NOTCH4: variants seen among roughly 807,000 people sequenced by gnomAD.
NOTCH4 encodes the protein notch receptor 4, also known as neurogenic locus notch homolog protein 4.
Under a neutral mutation model 189.0 loss-of-function variants are expected in NOTCH4, and 138 were observed. The observed-to-expected ratio is 0.73, with a 90% CI of 0.64 to 0.84. The LOEUF (loss-of-function observed/expected upper bound fraction) is 0.84, where lower values mean the gene tolerates loss of function less well. Ranked by LOEUF, NOTCH4 falls within the 40% of genes least tolerant of loss-of-function variation. The pLI is 0.00. For synonymous variants in NOTCH4, 942 were observed against 1,032.8 expected (o/e 0.91, Z 1.69); for missense variants, 2,286 against 2,605.4 (o/e 0.88, Z 2.67).
rs759879687 is a variant in NOTCH4 at position 32,199,135 on chromosome 6, G to A, written c.4326C>T (p.Ala1442=). 2 of 1,592,972 alleles carry A rather than the reference G, an allele frequency of 1.3e-6. No individual in the cohort carries two copies. Among genetic ancestry groups the A allele is most frequent in the Non-Finnish European group, 8.5e-7 (1 of 1,170,838 alleles). ...VHPHAGTAPP[A]NQLPWPVLCS... is the part of the protein sequence containing the mutation. Reference sequence around the variant, plus strand: ...ACAGCACAGGCCAGGGAAGCTGGTTGGCAGGGGGTGCTGGTGGGAGAGACA... The same window carrying A: ...ACAGCACAGGCCAGGGAAGCTGGTTAGCAGGGGGTGCTGGTGGGAGAGACA... Residue 1442 remains alanine, a synonymous_variant, in exon 24 of 30, where the codon GCC becomes GCT. Transcript: ENST00000375023. This position sits in a 1 kb window ranked among gnomAD's most constrained non-coding sequence, Gnocchi z 4.9.
In NOTCH4 at chr6:32,221,034, G is replaced by C. The variant is rs766865030; in HGVS notation, c.743C>G (p.Thr248Ser). The C allele has an allele frequency of 1.7e-5, 28 of 1,610,130 alleles. No homozygotes were observed. The Admixed American group carries it at 4.7e-4, about 27-fold the overall frequency. Residue 248 changes from threonine to serine, a missense_variant, in exon 4 of 30, where the codon ACC (threonine) becomes AGC (serine). Physicochemically the swap from Thr to Ser is moderately conservative, Grantham distance 58. Coordinates refer to ENST00000375023, the MANE Select transcript of NOTCH4 (RefSeq NM_004557.4). The surrounding 1 kb of genome is among the most constrained non-coding windows in gnomAD (Gnocchi z 4.3). ...GTCTTTCTCTGGCATCAGCTGGCAG[G>C]TGCCCCCATTCGAACAGCCCCTAGG... ...CPPRGCSNGGTCQLMPEKDST... is the reference protein window; with the variant it reads ...CPPRGCSNGGSCQLMPEKDST...
chr6:32,220,228 G>C lies in NOTCH4; in HGVS notation c.1216C>G (p.Gln406Glu), dbSNP rs764443298. 1 of 1,613,786 alleles carries C rather than the reference G, an allele frequency of 6.2e-7. No individual in the cohort carries two copies. Among genetic ancestry groups the C allele is most frequent in the Non-Finnish European group, 8.5e-7 (1 of 1,179,870 alleles). The change falls in exon 7 of 30, where the codon CAA becomes GAA. Residue 406 changes from glutamine (Q) to glutamate (E), a missense_variant. By Grantham distance (29) the Gln-to-Glu change is conservative. Coordinates refer to ENST00000375023, the MANE Select transcript of NOTCH4 (RefSeq NM_004557.4). Reference protein sequence around the residue: ...CLSQPCHGDAQCSTNPLTGST... With the variant: ...CLSQPCHGDAECSTNPLTGST... Reference sequence around the variant, plus strand: ...CCTGTGAGGGGGTTGGTGCTGCATTGGGCATCCCCATGGCACGGCTGGCTC... The same window carrying C: ...CCTGTGAGGGGGTTGGTGCTGCATTCGGCATCCCCATGGCACGGCTGGCTC...
rs1438291661 is a variant in NOTCH4 at position 32,212,600 on chromosome 6, G to A, written c.2554C>T (p.Pro852Ser). The change falls in exon 17 of 30, where the codon CCC becomes TCC. Residue 852 changes from proline to serine, a missense_variant. Pro to Ser is a moderately conservative substitution (Grantham distance 74). Transcript: ENST00000375023. This position sits in a 1 kb window ranked among gnomAD's most constrained non-coding sequence, Gnocchi z 4.4. ...AGGCAGTGGGAATTGCGTGGGCAGGGCTTCTGGGCACATAAGTCCATCAGA... is the reference window on the plus strand; with the variant it reads ...AGGCAGTGGGAATTGCGTGGGCAGGACTTCTGGGCACATAAGTCCATCAGA... ...QTLMDLCAQKPCPRNSHCLQT... is the reference protein window; with the variant it reads ...QTLMDLCAQKSCPRNSHCLQT... 4 of 1,612,636 alleles carry A rather than the reference G, an allele frequency of 2.5e-6. No homozygotes were observed. Among genetic ancestry groups the A allele is most frequent in the Non-Finnish European group, 2.5e-6 (3 of 1,179,744 alleles).
At chr6:32,222,068 T>C (rs1474034128) in intron 3 of NOTCH4, among the ~76,000 whole-genome samples, 1 of 151,956 alleles carries the variant, frequency 6.6e-6, no homozygotes, top group Non-Finnish European at 1.5e-5. Flanking sequence ...ACTCTCTGGG[T>C]CACATCCTTC....
intron 28 of NOTCH4, among the ~76,000 whole-genome samples, 184 bp from the exon 29 acceptor site, chr6:32,196,605 C>G (rs530682383): frequency 6.6e-6 from 1 of 152,206 alleles, no homozygotes; most frequent in East Asian, 1.9e-4. Flanking sequence ...CACCAGTGCG[C>G]GGGAGGGACA....
chr6:32,211,435 C>CA (rs559352953), intron 17 of NOTCH4, among the ~76,000 whole-genome samples: 17,427 of 135,004 alleles, frequency 0.13, 1,278 homozygotes, highest in East Asian at 0.3. Flanking sequence ...ACTAAAAATA[C>CA]AAAAAAAAAA....
intron 3 of NOTCH4, among the ~76,000 whole-genome samples, chr6:32,222,051 C>T (rs1342366428): frequency 6.6e-6 from 1 of 152,148 alleles, no homozygotes; most frequent in African/African-American, 2.4e-5. Flanking sequence ...GGGGCGGCCC[C>T]CAATCCACTC....
In NOTCH4 at chr6:32,220,628, G is replaced by A. The variant is rs939935774; in HGVS notation, c.936C>T (p.Ser312=). Residue 312 remains serine (S), a synonymous_variant, in exon 6 of 30, where the codon TCC becomes TCT. Coordinates refer to ENST00000375023, the MANE Select transcript of NOTCH4 (RefSeq NM_004557.4). ...GGGTCTCACACTCATCCACATCTTC[G>A]GAGCAGTCCCAGCCTGCAGGGGGTT... ...CPETWTGWDC[S]EDVDECETQG... 4.3e-6 allele frequency: 7 copies of A among 1,613,872 alleles called. No homozygotes were observed. Among genetic ancestry groups the A allele is most frequent in the African/African-American group, 2.7e-5 (2 of 74,998 alleles).
At chr6:32,197,871 G>T (rs1356756208) in intron 26 of NOTCH4, among the ~76,000 whole-genome samples, 1 of 150,546 alleles carries the variant, frequency 6.6e-6, no homozygotes, top group Non-Finnish European at 1.5e-5. Context: ...ACCCAGGCTG[G>T]AGTGCAGTGG....
Position 32,200,756 on chromosome 6 carries a change from G to A in NOTCH4, c.4315+75C>T. On this transcript the variant is annotated intron_variant, in intron 23 of 29. Transcript: ENST00000375023. The surrounding 1 kb of genome is among the most constrained non-coding windows in gnomAD (Gnocchi z 5.0). Reference sequence around the variant, plus strand: ...AGTCTCAGCTGTCCTGTTTGATTCAGCCTCCATTGCCTGTTGCTAGCATGA... The same window carrying A: ...AGTCTCAGCTGTCCTGTTTGATTCAACCTCCATTGCCTGTTGCTAGCATGA... 8.0e-7 allele frequency: 1 copy of A among 1,250,590 alleles called. No individual in the cohort carries two copies. Among genetic ancestry groups the A allele is most frequent in the Non-Finnish European group, 1.1e-6 (1 of 911,956 alleles). The allele number at this position is 1,250,590 out of a possible 1,614,324, so 77.5% of individuals were successfully genotyped here.
chr6:32,198,941 TC>T lies in NOTCH4; in HGVS notation c.4519del (p.Asp1507ThrfsTer8). 1 of 1,587,590 alleles carries T rather than the reference TC, an allele frequency of 6.3e-7. No individual in the cohort carries two copies. The highest frequency in any genetic ancestry group is 1.7e-4 in the Middle Eastern group (1 of 5,932). ...PHRRRPPLGEDSIGLKALKPK... is the reference protein window; with the variant it reads ...PHRRRPPLGEXSIGLKALKPK... ...TCATTCTCACTTGAGACCAATGCTG[TC>T]CTCGCCTAGTGGGGGCCGGCGTCGG... On this transcript the variant is annotated frameshift_variant, in exon 24 of 30. Coordinates refer to ENST00000375023, the MANE Select transcript of NOTCH4 (RefSeq NM_004557.4). LOFTEE classifies it high-confidence loss of function. The surrounding 1 kb of genome is among the most constrained non-coding windows in gnomAD (Gnocchi z 5.5).
In NOTCH4 at chr6:32,217,203, C is replaced by T. The variant is rs1182535525; in HGVS notation, c.1688G>A (p.Gly563Asp). The T allele has an allele frequency of 2.5e-6, 4 of 1,613,088 alleles. No individual in the cohort carries two copies. In the South Asian group the frequency reaches 4.4e-5, roughly 18 times the overall value. ...DECRSSPCANGGQCQDQPGAF... is the reference protein window; with the variant it reads ...DECRSSPCANDGQCQDQPGAF... ...TCCAGGCTGGTCCTGGCACTGCCCA[C>T]CATTGGCACAGGGAGAGCTTCTGCA... The change falls in exon 10 of 30, where the codon GGT becomes GAT. Residue 563 changes from glycine to aspartate, a missense_variant. Gly to Asp is a moderately conservative substitution (Grantham distance 94). Coordinates refer to ENST00000375023, the MANE Select transcript of NOTCH4 (RefSeq NM_004557.4). The surrounding 1 kb of genome is among the most constrained non-coding windows in gnomAD (Gnocchi z 4.2).
At chr6:32,213,060 C>G in intron 15 of NOTCH4, 75 bp downstream of exon 15, 1 of 1,323,082 alleles carries the variant, frequency 7.6e-7, no homozygotes, top group Non-Finnish European at 1.1e-6. Flanking sequence ...AGCCTGGAAC[C>G]CAGGGGGAGA....
At chr6:32,213,113 G>A in intron 15 of NOTCH4, 22 bp downstream of exon 15, 1 of 1,573,578 alleles carries the variant, frequency 6.4e-7, no homozygotes, top group Non-Finnish European at 8.7e-7. Context: ...CTCCCTTCTA[G>A]GGGTCTTTGG....
Position 32,202,711 on chromosome 6 carries a change from A to C in NOTCH4, c.3232-112T>G. On this transcript the variant is annotated intron_variant, in intron 20 of 29. Transcript: ENST00000375023. This position sits in a 1 kb window ranked among gnomAD's most constrained non-coding sequence, Gnocchi z 5.7. ...CAGAGGGTCCTAGATTCTCATATCT[A>C]AAAGGCGCCTCAGAGAGCATCAAGT... The C allele has an allele frequency of 1.0e-6, 1 of 984,366 alleles. No homozygotes were observed. The allele number at this position is 984,366 out of a possible 1,614,324, so 61.0% of individuals were successfully genotyped here. A position where few individuals can be genotyped will look rare whatever the true frequency, so the allele number is the denominator to read the frequency against.
chr6:32,219,723 T>C lies in NOTCH4; in HGVS notation c.1379A>G (p.Asn460Ser), dbSNP rs76408438. Reference sequence around the variant, plus strand: ...TGTGTAGCCAGGTGGACAGAGGCAGTTGAAGGAGCCAGGAGTGTTGAGGCA... The same window carrying C: ...TGTGTAGCCAGGTGGACAGAGGCAGCTGAAGGAGCCAGGAGTGTTGAGGCA... ...GSCLNTPGSFNCLCPPGYTGS... is the reference protein window; with the variant it reads ...GSCLNTPGSFSCLCPPGYTGS... The change falls in exon 8 of 30, where the codon AAC becomes AGC. Residue 460 changes from asparagine to serine, a missense_variant. Physicochemically the swap from Asn to Ser is conservative, Grantham distance 46. Transcript: ENST00000375023. The C allele has an allele frequency of 6.2e-7, 1 of 1,612,798 alleles. No individual in the cohort carries two copies. Among genetic ancestry groups the C allele is most frequent in the Admixed American group, 1.7e-5 (1 of 59,980 alleles).
At position 32,195,925 on chromosome 6, in the gene NOTCH4, G is replaced by T. The variant is rs754490859; in HGVS notation, c.5524C>A (p.Arg1842Ser). The change falls in exon 30 of 30, where the codon CGC (arginine) becomes AGC (serine). Residue 1842 changes from arginine to serine, a missense_variant. Arg to Ser is a moderately radical substitution (Grantham distance 110). Around this residue, in one of 2 missense-constraint regions of NOTCH4, gnomAD observed 383 missense variants for 343.5 expected, o/e 1.11. Coordinates refer to ENST00000375023, the MANE Select transcript of NOTCH4 (RefSeq NM_004557.4). This position sits in a 1 kb window ranked among gnomAD's most constrained non-coding sequence, Gnocchi z 5.4. ...ACGCTTACTGACACCGTCCGTGCGC[G>T]CGGGAAGGGCCCAGCCTCGCGGCCC... The part of the protein sequence containing the change: ...TPGREAGPFP[R>S]ARTVSVSVPP... The T allele has an allele frequency of 8.6e-5, 137 of 1,586,716 alleles. No homozygotes were observed. In the East Asian group the frequency reaches 3.0e-3, roughly 35 times the overall value.
At chr6:32,214,288 C>G in intron 12 of NOTCH4, 33 bp from the exon 13 acceptor site, 1 of 1,609,056 alleles carries the variant, frequency 6.2e-7, no homozygotes. Flanking sequence ...GGGTTTTTCT[C>G]TTCTCCTACT....
chr6:32,196,485 C>T (rs1474906332), intron 28 of NOTCH4, 64 bp from the exon 29 acceptor site: 2 of 1,588,264 alleles, frequency 1.3e-6, no homozygotes, highest in African/African-American at 2.7e-5. Flanking sequence ...TCCGGTTTCC[C>T]ACGGGTTCTG....
Sources: gnomAD v4.1 joint callset for allele counts (sites outside exome capture counted in the v4.1 genomes callset) on GRCh38, gnomAD v4.1.1 for gene constraint, gnomAD v4.1.1 regional missense constraint, Gnocchi (gnomAD v3.1) non-coding constraint, MANE v1.5 for transcripts, NCBI Gene and HGNC (gene_info 2026-07-23, HGNC 2026-07-21) for gene names.